DLGAP1: variants seen among roughly 807,000 people sequenced by gnomAD.
DLGAP1 encodes disks large-associated protein 1.
In DLGAP1, 11 loss-of-function variants were observed where a neutral mutation model predicts 90.8. The observed-to-expected ratio is 0.12, with a 90% CI of 0.08 to 0.20. The LOEUF (loss-of-function observed/expected upper bound fraction) is 0.20. DLGAP1 is among the 10% of genes least tolerant of loss of function. DLGAP1 has a pLI of 1.00. For missense variants in DLGAP1, 1,050 were observed against 1,333.8 expected (o/e 0.79, Z 3.31); for synonymous variants, 558 against 540.7 (o/e 1.03, Z -0.44).
At chr18:4,358,721 C>T (rs1041181675) in intron 1 of DLGAP1, among the ~76,000 whole-genome samples, 10 of 152,230 alleles carry the variant, frequency 6.6e-5, no homozygotes, top group Non-Finnish European at 1.3e-4. Flanking sequence ...CTCTTGCCTG[C>T]AGAGAGCAGG....
At chr18:4,086,645 T>C (rs1159371455) in intron 2 of DLGAP1, among the ~76,000 whole-genome samples, 1 of 152,182 alleles carries the variant, frequency 6.6e-6, no homozygotes, top group Non-Finnish European at 1.5e-5. Flanking sequence ...AATTCCATCG[T>C]GGTCTGAGAC....
At chr18:3,938,431 T>C (rs77673344) in intron 3 of DLGAP1, among the ~76,000 whole-genome samples, 1 of 151,904 alleles carries the variant, frequency 6.6e-6, no homozygotes, top group South Asian at 2.1e-4. Context: ...GAGACTTAGA[T>C]GTATGAGAGT....
chr18:4,025,079 C>G (rs2149119479), intron 2 of DLGAP1, among the ~76,000 whole-genome samples: 1 of 152,238 alleles, frequency 6.6e-6, no homozygotes, highest in Non-Finnish European at 1.5e-5. Flanking sequence ...GTGGCAAGCA[C>G]TATTTTAGGT....
intron 3 of DLGAP1, among the ~76,000 whole-genome samples, chr18:4,001,226 A>G (rs2074179039): frequency 6.6e-6 from 1 of 151,778 alleles, no homozygotes; most frequent in South Asian, 2.1e-4. Flanking sequence ...TCAACTCTTA[A>G]TATTTTTCTA....
At chr18:4,330,904 A>C (rs1231868937) in intron 1 of DLGAP1, among the ~76,000 whole-genome samples, 1 of 151,752 alleles carries the variant, frequency 6.6e-6, no homozygotes, top group Non-Finnish European at 1.5e-5. Flanking sequence ...AATTTTCTCT[A>C]CTTGTTCTAT....
chr18:4,407,766 C>G (rs1403649215), intron 1 of DLGAP1, among the ~76,000 whole-genome samples: 1 of 151,858 alleles, frequency 6.6e-6, no homozygotes, highest in Non-Finnish European at 1.5e-5. Flanking sequence ...GTCTGTAATC[C>G]CAGCTACTCG....
At chr18:3,602,192 C>T (rs2145769106) in intron 7 of DLGAP1, among the ~76,000 whole-genome samples, 1 of 152,228 alleles carries the variant, frequency 6.6e-6, no homozygotes, top group African/African-American at 2.4e-5. Context: ...TCAAGCTTTG[C>T]CTAGTACACA....
Position 3,879,394 on chromosome 18 carries a change from G to T in DLGAP1, c.675C>A (p.Gly225=). The change falls in exon 4 of 13, where the codon GGC becomes GGA. Residue 225 remains glycine, a synonymous_variant. Coordinates refer to ENST00000315677, the MANE Select transcript of DLGAP1 (RefSeq NM_004746.4). The surrounding 1 kb of genome is among the most constrained non-coding windows in gnomAD (Gnocchi z 6.6). ...YHAPSGVMTM[G]RCPDRSASQY... ...GTGAGGCCGAGCGGTCGGGGCACCTGCCCATGGTCATCACGCCCGAGGGGG... is the reference window on the plus strand; with the variant it reads ...GTGAGGCCGAGCGGTCGGGGCACCTTCCCATGGTCATCACGCCCGAGGGGG... 1 of 1,613,038 alleles carries T rather than the reference G, an allele frequency of 6.2e-7. No homozygotes were observed. Among genetic ancestry groups the T allele is most frequent in the Middle Eastern group, 1.6e-4 (1 of 6,062 alleles).
chr18:4,381,317 G>C (rs529644705), intron 1 of DLGAP1, among the ~76,000 whole-genome samples: 80 of 152,246 alleles, frequency 5.3e-4, no homozygotes, highest in Non-Finnish European at 1.0e-3. Context: ...CTATTCAACA[G>C]TGAAGTGCAT....
chr18:3,807,493 A>G (rs929580012), intron 5 of DLGAP1, among the ~76,000 whole-genome samples: 1 of 152,194 alleles, frequency 6.6e-6, no homozygotes, highest in Non-Finnish European at 1.5e-5. Flanking sequence ...TTGCATGCAT[A>G]GAGTTCTGAT....
At chr18:3,847,412 T>G (rs1225316415) in intron 4 of DLGAP1, among the ~76,000 whole-genome samples, 2 of 151,860 alleles carry the variant, frequency 1.3e-5, no homozygotes, top group African/African-American at 4.8e-5. Flanking sequence ...TCATGGCTAA[T>G]TTTCAGCAAG....
At chr18:4,096,854 A>G (rs2075689025) in intron 2 of DLGAP1, among the ~76,000 whole-genome samples, 1 of 142,118 alleles carries the variant, frequency 7.0e-6, no homozygotes, top group African/African-American at 3.1e-5. Flanking sequence ...CCTGTATTTC[A>G]GTTTACCTAA....
At chr18:4,224,456 T>C (rs560925505) in intron 1 of DLGAP1, among the ~76,000 whole-genome samples, 31 of 152,204 alleles carry the variant, frequency 2.0e-4, no homozygotes, top group Admixed American at 1.1e-3. Flanking sequence ...CCCTGGGCCA[T>C]ATGGGAACCC....
At chr18:3,752,637 C>A (rs139885280) in intron 5 of DLGAP1, among the ~76,000 whole-genome samples, 3 of 145,242 alleles carry the variant, frequency 2.1e-5, no homozygotes, top group South Asian at 4.6e-4. Flanking sequence ...TCCCCACCCC[C>A]CTCTCTCTCT....
intron 3 of DLGAP1, among the ~76,000 whole-genome samples, chr18:3,973,132 G>C (rs2073488376): frequency 6.6e-6 from 1 of 151,886 alleles, no homozygotes; most frequent in African/African-American, 2.4e-5. Context: ...TATTCAAGTT[G>C]AGTAATCCAA....
At chr18:4,149,312 G>A (rs907048357) in intron 2 of DLGAP1, among the ~76,000 whole-genome samples, 1 of 152,110 alleles carries the variant, frequency 6.6e-6, no homozygotes, top group East Asian at 1.9e-4. Flanking sequence ...AGTTAGTGTC[G>A]AAACAGAATT....
chr18:4,250,702 T>A (rs1189116380), intron 1 of DLGAP1, among the ~76,000 whole-genome samples: 2 of 152,184 alleles, frequency 1.3e-5, no homozygotes, highest in Non-Finnish European at 2.9e-5. Flanking sequence ...TTCTATGCAT[T>A]AACTTTCCAC....
At chr18:3,999,249 T>C (rs1304761311) in intron 3 of DLGAP1, among the ~76,000 whole-genome samples, 1 of 152,122 alleles carries the variant, frequency 6.6e-6, no homozygotes, top group African/African-American at 2.4e-5. Context: ...ATTGGTAGCA[T>C]ACTATACAGA....
In DLGAP1 at chr18:4,176,518, T is replaced by C. The variant is rs149727275; in HGVS notation, c.-266-25231A>G. ...TTCTTAAGCTACCCTATCTGCTCCATCTAGGAGGAGCCTTCTTCATTTCCA... is the reference window on the plus strand; with the variant it reads ...TTCTTAAGCTACCCTATCTGCTCCACCTAGGAGGAGCCTTCTTCATTTCCA... On this transcript the variant is annotated intron_variant, in intron 1 of 12. Transcript: ENST00000315677. Among the ~76,000 whole-genome samples, 578 of 152,296 alleles carry C rather than the reference T, an allele frequency of 3.8e-3. 3 individuals carry two copies. Among genetic ancestry groups the C allele is most frequent in the African/African-American group, 0.013 (557 of 41,572 alleles).
Sources: allele counts gnomAD v4.1 joint callset (sites outside exome capture counted in the v4.1 genomes callset), GRCh38; gene constraint gnomAD v4.1.1; non-coding constraint Gnocchi (gnomAD v3.1); transcripts MANE v1.5; gene names NCBI Gene and HGNC (gene_info 2026-07-23, HGNC 2026-07-21).